The following DSCAML1 variants were observed in gnomAD, a reference collection of about 807,000 sequenced individuals.
The protein encoded by DSCAML1 is cell adhesion molecule DSCAML1.
A neutral mutation model predicts 200.5 loss-of-function variants in DSCAML1; 38 were observed. The ratio of observed to expected loss-of-function variants is 0.19; its 90% CI spans 0.15 to 0.25. The LOEUF (loss-of-function observed/expected upper bound fraction) is 0.25, where lower values mean the gene tolerates loss of function less well. Among genes scored for constraint, DSCAML1 ranks in the 10% least tolerant of loss-of-function variants. The pLI is 1.00. For synonymous variants in DSCAML1, 1,215 were observed against 1,165.0 expected (o/e 1.04, Z -0.87); for missense variants, 2,223 against 2,858.8 (o/e 0.78, Z 5.07).
chr11:117,543,720 G>A (rs540808192), intron 3 of DSCAML1, among the ~76,000 whole-genome samples: 3 of 152,092 alleles, frequency 2.0e-5, no homozygotes, highest in East Asian at 1.9e-4. Flanking sequence ...TTCTCTGTTC[G>A]TGGAGTTCTT....
intron 4 of DSCAML1, among the ~76,000 whole-genome samples, chr11:117,531,886 CAGGAAAAAGAAAGAA>C (rs2050082093): frequency 8.1e-6 from 1 of 123,154 alleles, no homozygotes; most frequent in South Asian, 2.8e-4. Flanking sequence ...AACTCCGTCT[CAGGAAAAAGAAAGAA>C]AGGGAAGGGA....
At chr11:117,664,004 A>T (rs2052921147) in intron 3 of DSCAML1, among the ~76,000 whole-genome samples, 1 of 152,230 alleles carries the variant, frequency 6.6e-6, no homozygotes, top group Non-Finnish European at 1.5e-5. Flanking sequence ...CGCCATCACC[A>T]AACATTGGAG....
chr11:117,629,628 C>A (rs2052129910), intron 3 of DSCAML1, among the ~76,000 whole-genome samples: 1 of 152,008 alleles, frequency 6.6e-6, no homozygotes, highest in Admixed American at 6.6e-5. Flanking sequence ...CAGGGAGACT[C>A]AGAGACAGTC....
chr11:117,661,188 AG>A (rs1401261793), intron 3 of DSCAML1, among the ~76,000 whole-genome samples: 1 of 152,178 alleles, frequency 6.6e-6, no homozygotes, highest in Non-Finnish European at 1.5e-5. Context: ...TTGATGATCC[AG>A]GGACTCAAAT....
At chr11:117,776,976 C>T in intron 2 of DSCAML1, 39 bp from the exon 3 acceptor site, 1 of 1,610,112 alleles carries the variant, frequency 6.2e-7, no homozygotes, top group Non-Finnish European at 8.5e-7. Context: ...AAGAGTGTCA[C>T]AAGGATGTGG....
chr11:117,543,405 ACCTGTGCTGGTGTGTGAC>A (rs1398212059), intron 3 of DSCAML1, among the ~76,000 whole-genome samples: 2 of 151,716 alleles, frequency 1.3e-5, no homozygotes, highest in Non-Finnish European at 2.9e-5. Flanking sequence ...CATGTTGTGT[ACCTGTGCTGGTGTGTGAC>A]CCTGTGCTGG....
At chr11:117,656,915 A>G (rs761621371) in intron 3 of DSCAML1, among the ~76,000 whole-genome samples, 8 of 152,262 alleles carry the variant, frequency 5.3e-5, no homozygotes, top group Non-Finnish European at 1.2e-4. Context: ...TCATCTGGCT[A>G]TGTCATTGAC....
intron 3 of DSCAML1, among the ~76,000 whole-genome samples, chr11:117,712,852 G>A (rs949323443): frequency 2.6e-5 from 4 of 151,672 alleles, no homozygotes; most frequent in East Asian, 2.0e-4. Flanking sequence ...TCTTCCCCCC[G>A]CCTCTCTCCC....
At chr11:117,684,134 T>C (rs894759907) in intron 3 of DSCAML1, among the ~76,000 whole-genome samples, 2 of 152,182 alleles carry the variant, frequency 1.3e-5, no homozygotes, top group African/African-American at 4.8e-5. Context: ...GACCCATGGA[T>C]GTACTGACTC....
intron 3 of DSCAML1, among the ~76,000 whole-genome samples, chr11:117,595,457 T>C (rs2051346335): frequency 6.6e-6 from 1 of 152,186 alleles, no homozygotes; most frequent in East Asian, 1.9e-4. Context: ...TTATATGCTT[T>C]TTTCATTTTA....
chr11:117,450,260 C>T (rs500713), intron 20 of DSCAML1, among the ~76,000 whole-genome samples: 138,259 of 152,234 alleles, frequency 0.91, 63,231 homozygotes, highest in African/African-American at 0.94. Context: ...GCAGAAGAGC[C>T]GAGGCTGACC....
intron 11 of DSCAML1, among the ~76,000 whole-genome samples, chr11:117,502,788 C>T (rs899044910): frequency 2.0e-5 from 3 of 152,214 alleles, no homozygotes; most frequent in East Asian, 1.9e-4. Context: ...GCTTCACTTA[C>T]ACCATCTGAC....
Position 117,428,306 on chromosome 11 carries a change from G to A in DSCAML1, c.*22C>T, listed in dbSNP as rs746963127. Reference sequence around the variant, plus strand: ...GGCTGCGGCGCGGCGCGGTCCAGGCGTGGCTGCTCTTCCTGCGGGCCCTAC... The same window carrying A: ...GGCTGCGGCGCGGCGCGGTCCAGGCATGGCTGCTCTTCCTGCGGGCCCTAC... On this transcript the variant is annotated 3_prime_UTR_variant, in exon 33 of 33. Coordinates refer to ENST00000651296, the MANE Select transcript of DSCAML1 (RefSeq NM_020693.4). 3.1e-5 allele frequency: 42 copies of A among 1,361,320 alleles called. No individual in the cohort carries two copies. The highest frequency in any genetic ancestry group is 2.0e-4 in the Middle Eastern group (1 of 5,020). 84.3% of individuals were successfully genotyped at this position (1,361,320 alleles called of 1,614,324 possible).
At chr11:117,766,326 C>A (rs1250842103) in intron 3 of DSCAML1, among the ~76,000 whole-genome samples, 1 of 152,138 alleles carries the variant, frequency 6.6e-6, no homozygotes, top group Non-Finnish European at 1.5e-5. Flanking sequence ...ACATTAAATG[C>A]CAGAATTCGG....
rs890581936 is a variant in DSCAML1, at chr11:117,518,087, G to A, written c.1510+379C>T. ...TGGTCCCCAGCCCCTGCACTGTCTT[G>A]CCCTTACAAGGCCCTGGTGGGGCTG... On this transcript the variant is annotated intron_variant, in intron 7 of 32. Coordinates refer to ENST00000651296, the MANE Select transcript of DSCAML1 (RefSeq NM_020693.4). The surrounding 1 kb of genome is among the most constrained non-coding windows in gnomAD (Gnocchi z 6.3). 3.3e-5 allele frequency among the ~76,000 whole-genome samples: 5 copies of A among 152,234 alleles called. No individual in the cohort carries two copies. The highest frequency in any genetic ancestry group is 1.2e-4 in the African/African-American group (5 of 41,460).
intron 3 of DSCAML1, among the ~76,000 whole-genome samples, chr11:117,536,871 G>A (rs1044588544): frequency 1.1e-4 from 17 of 152,178 alleles, no homozygotes; most frequent in Admixed American, 4.6e-4. Flanking sequence ...CTGTGATCTC[G>A]AGCAGGACTC....
intron 3 of DSCAML1, 137 bp from the exon 4 acceptor site, chr11:117,532,659 A>G (rs1379791256): frequency 2.3e-6 from 2 of 883,788 alleles, no homozygotes; most frequent in Non-Finnish European, 3.4e-6. Flanking sequence ...TGTTCCTTTC[A>G]GTGTAGATGC....
chr11:117,449,227 G>A (rs905766474), intron 20 of DSCAML1, among the ~76,000 whole-genome samples: 3 of 152,084 alleles, frequency 2.0e-5, no homozygotes, highest in Non-Finnish European at 4.4e-5. Context: ...CTGGAAGGGG[G>A]CATGGGGATT....
At chr11:117,540,703 C>A (rs1239295147) in intron 3 of DSCAML1, among the ~76,000 whole-genome samples, 1 of 143,040 alleles carries the variant, frequency 7.0e-6, no homozygotes, top group African/African-American at 2.7e-5. Flanking sequence ...GGATGAGGGG[C>A]TGGGGGGAGG....
Sources: allele counts gnomAD v4.1 joint callset (sites outside exome capture counted in the v4.1 genomes callset), GRCh38; gene constraint gnomAD v4.1.1; non-coding constraint Gnocchi (gnomAD v3.1); transcripts MANE v1.5; gene names NCBI Gene and HGNC (gene_info 2026-07-23, HGNC 2026-07-21).